The following CAMK2G variants were observed in gnomAD, a reference collection of about 807,000 sequenced individuals.
CAMK2G encodes the protein calcium/calmodulin dependent protein kinase II gamma.
In CAMK2G, 23 loss-of-function variants were observed where a neutral mutation model predicts 88.7. The ratio of observed to expected loss-of-function variants is 0.26; its 90% confidence interval spans 0.19 to 0.37. The LOEUF is 0.37. CAMK2G is among the 10% of genes least tolerant of loss of function. The pLI, the probability that CAMK2G is intolerant of heterozygous loss-of-function variation, is 1.00. For synonymous variants in CAMK2G, 263 were observed against 294.8 expected, an observed-to-expected ratio of 0.89 and a Z score of 1.11; for missense variants, 476 against 780.8, an observed-to-expected ratio of 0.61 and a Z score of 4.65.
intron 13 of CAMK2G, among the ~76,000 whole-genome samples, chr10:73,838,657 G>C (rs2093477379): frequency 6.6e-6 from 1 of 152,148 alleles, no homozygotes; most frequent in South Asian, 2.1e-4. Flanking sequence ...TCTGACTCCA[G>C]AAAAAGACCT....
At chr10:73,815,800 A>G (rs770946052) in intron 21 of CAMK2G, 2 of 985,450 alleles carry the variant, frequency 2.0e-6, no homozygotes, top group African/African-American at 1.7e-5. Context: ...CAAAGCACCA[A>G]GCTCAGGATA....
Position 73,848,978 on chromosome 10 carries a change from G to A in CAMK2G, c.517+35C>T. On this transcript the variant is annotated intron_variant, in intron 7 of 22. Coordinates refer to ENST00000423381, the MANE Select transcript of CAMK2G (RefSeq NM_001367534.1). This position sits in a 1 kb window ranked among gnomAD's most constrained non-coding sequence, Gnocchi z 4.5. ...CAGATCAGGAAGAGGAGGAAGGGCG[G>A]GGGCTGCATTCCGGGAAGACAGGAT... The A allele has an allele frequency of 7.8e-7, 1 of 1,288,354 alleles. No individual in the cohort carries two copies. Among genetic ancestry groups the A allele is most frequent in the Non-Finnish European group, 1.1e-6 (1 of 882,520 alleles). The allele number at this position is 1,288,354 out of a possible 1,614,324, so 79.8% of individuals were successfully genotyped here. A position where few individuals can be genotyped will look rare whatever the true frequency, so the allele number is the denominator to read the frequency against.
intron 3 of CAMK2G, among the ~76,000 whole-genome samples, chr10:73,856,620 T>C (rs2095059048): frequency 6.6e-6 from 1 of 152,164 alleles, no homozygotes; most frequent in Non-Finnish European, 1.5e-5. Context: ...GGACTATGGA[T>C]GCGTGGAATA....
At chr10:73,818,698 G>A (rs2086636537) in intron 19 of CAMK2G, 1 of 455,192 alleles carries the variant, frequency 2.2e-6, no homozygotes, top group Non-Finnish European at 4.4e-6. Context: ...GTTAAGGGAA[G>A]CAAGGAGTTC....
At chr10:73,828,191 G>T in intron 14 of CAMK2G, 70 bp from the exon 15 acceptor site, 1 of 1,248,618 alleles carries the variant, frequency 8.0e-7, no homozygotes, top group South Asian at 1.2e-5. Context: ...CAGAGACGCT[G>T]CAGGTTAGCG....
intron 5 of CAMK2G, among the ~76,000 whole-genome samples, chr10:73,850,781 T>C (rs2135009592): frequency 6.6e-6 from 1 of 151,490 alleles, no homozygotes; most frequent in East Asian, 1.9e-4. Flanking sequence ...CCCTGGGGGC[T>C]GAAACTCGGG....
intron 14 of CAMK2G, among the ~76,000 whole-genome samples, chr10:73,834,440 G>A (rs984288134): frequency 6.6e-6 from 1 of 152,042 alleles, no homozygotes; most frequent in East Asian, 1.9e-4. Context: ...CACATTGCAG[G>A]GCTAGGTTCC....
Position 73,846,991 on chromosome 10 carries a change from G to A in CAMK2G, c.819+234C>T, listed in dbSNP as rs571871392. On this transcript the variant is annotated intron_variant, in intron 10 of 22. Coordinates refer to ENST00000423381, the MANE Select transcript of CAMK2G (RefSeq NM_001367534.1). The stretch of plus-strand genomic sequence containing the variant: ...TCATCCAAGAACAGAACCAATCCCA[G>A]CCTGACAGCCATGAGTGGGGGAGAG... 4.7e-4 allele frequency: 238 copies of A among 511,140 alleles called. 1 individual carries two copies. In the Middle Eastern group the frequency reaches 5.8e-3, roughly 12 times the overall value. 31.7% of individuals were successfully genotyped at this position (511,140 alleles called of 1,614,324 possible).
chr10:73,814,079 A>G lies in CAMK2G; in HGVS notation c.*439T>C, dbSNP rs2084725226. 2 of 152,158 alleles carry G rather than the reference A, an allele frequency of 1.3e-5. No individual in the cohort carries two copies. Among genetic ancestry groups the G allele is most frequent in the South Asian group, 2.1e-4 (1 of 4,816 alleles). The allele number at this position is 152,158 out of a possible 1,614,324, so 9.4% of individuals were successfully genotyped here. A position where few individuals can be genotyped will look rare whatever the true frequency, so the allele number is the denominator to read the frequency against. On this transcript the variant is annotated 3_prime_UTR_variant, in exon 23 of 23. Transcript: ENST00000423381. ...AGCTGCAATCACATCACGGCCCCCA[A>G]AGCTCTGTCAGAGTTCTTGCCTGGT...
chr10:73,838,058 C>T (rs1373257452), intron 13 of CAMK2G, among the ~76,000 whole-genome samples: 2 of 152,214 alleles, frequency 1.3e-5, no homozygotes, highest in Non-Finnish European at 2.9e-5. Flanking sequence ...CTGAGCAGGT[C>T]CTCACCAGGT....
At chr10:73,870,090 G>A (rs1268275184) in intron 2 of CAMK2G, among the ~76,000 whole-genome samples, 1 of 152,298 alleles carries the variant, frequency 6.6e-6, no homozygotes, top group East Asian at 1.9e-4. Flanking sequence ...GATAAGAAGG[G>A]AATATGAAGA....
At chr10:73,832,824 G>A (rs1363051258) in intron 14 of CAMK2G, among the ~76,000 whole-genome samples, 3 of 151,820 alleles carry the variant, frequency 2.0e-5, no homozygotes, top group Non-Finnish European at 4.4e-5. Flanking sequence ...TCACTATGTT[G>A]CCCAGCTGGC....
intron 15 of CAMK2G, 140 bp downstream of exon 15, chr10:73,827,949 G>C (rs1342509741): frequency 9.0e-6 from 7 of 780,352 alleles, no homozygotes; most frequent in Non-Finnish European, 1.6e-5. Flanking sequence ...CGCCTGGCAG[G>C]ACAGGCCACA....
chr10:73,848,434 G>C lies in CAMK2G; in HGVS notation c.601+92C>G. On this transcript the variant is annotated intron_variant, in intron 8 of 22. Transcript: ENST00000423381. The surrounding 1 kb of genome is among the most constrained non-coding windows in gnomAD (Gnocchi z 4.5). ...TTTCACATACACCAGGCACGTGTGT[G>C]ACCTGCAAGGAATAGCGATGCCTCT... is the stretch of plus-strand genomic sequence containing the variant. 1.2e-6 allele frequency: 1 copy of C among 842,706 alleles called. No homozygotes were observed. The allele number at this position is 842,706 out of a possible 1,614,324, so 52.2% of individuals were successfully genotyped here.
At chr10:73,849,558 C>T (rs751869788) in intron 5 of CAMK2G, among the ~76,000 whole-genome samples, 5 of 152,178 alleles carry the variant, frequency 3.3e-5, no homozygotes, top group African/African-American at 1.2e-4. Flanking sequence ...CTAGGATCAC[C>T]GCTAGAACGG....
chr10:73,815,920 A>T (rs776468470), intron 21 of CAMK2G: 24 of 985,356 alleles, frequency 2.4e-5, no homozygotes, highest in Non-Finnish European at 2.9e-5. Context: ...TTCAATTCAA[A>T]TGTTAGACAG....
intron 2 of CAMK2G, among the ~76,000 whole-genome samples, chr10:73,863,607 A>G (rs1160573271): frequency 6.6e-6 from 1 of 152,226 alleles, no homozygotes; most frequent in East Asian, 1.9e-4. Flanking sequence ...GCATCTTGCA[A>G]TGCGGAGGTG....
intron 14 of CAMK2G, among the ~76,000 whole-genome samples, chr10:73,832,600 T>C (rs759359894): frequency 8.5e-5 from 13 of 152,136 alleles, no homozygotes; most frequent in Non-Finnish European, 1.5e-4. Context: ...CCACCGTGCC[T>C]GGCTTGTCTG....
intron 19 of CAMK2G, chr10:73,818,621 AC>A: frequency 2.2e-6 from 1 of 448,022 alleles, no homozygotes; most frequent in South Asian, 1.6e-5. Context: ...AGCCAAAGGC[AC>A]ATCCAGGAGG....
Sources: gnomAD v4.1 joint callset for allele counts (sites outside exome capture counted in the v4.1 genomes callset) on GRCh38, gnomAD v4.1.1 for gene constraint, Gnocchi (gnomAD v3.1) non-coding constraint, MANE v1.5 for transcripts, NCBI Gene and HGNC (gene_info 2026-07-23, HGNC 2026-07-21) for gene names.